The following BTRC variants were observed in gnomAD, a reference collection of about 807,000 sequenced individuals.
BTRC encodes the protein beta-transducin repeat containing E3 ubiquitin protein ligase.
A neutral mutation model predicts 85.5 loss-of-function variants in BTRC; 42 were observed. The ratio of observed to expected loss-of-function variants is 0.49; its 90% CI spans 0.38 to 0.64. The LOEUF is 0.64. Ranked by LOEUF, BTRC falls within the 30% of genes least tolerant of loss-of-function variation. The pLI is 0.00. For synonymous variants in BTRC, 255 were observed against 263.3 expected (o/e 0.97, Z 0.30); for missense variants, 594 against 743.5 (o/e 0.80, Z 2.34).
intron 1 of BTRC, among the ~76,000 whole-genome samples, chr10:101,384,688 G>T (rs1284834772): frequency 6.6e-6 from 1 of 152,130 alleles, no homozygotes; most frequent in African/African-American, 2.4e-5. Flanking sequence ...CTTATTTTCA[G>T]TTGATTTGAA....
intron 4 of BTRC, among the ~76,000 whole-genome samples, chr10:101,492,652 C>T (rs1189368069): frequency 3.3e-5 from 5 of 151,956 alleles, no homozygotes; most frequent in African/African-American, 7.3e-5. Flanking sequence ...AGATTGAAGG[C>T]GTTTTCTTTA....
At chr10:101,498,472 G>A (rs1003532555) in intron 4 of BTRC, among the ~76,000 whole-genome samples, 13 of 151,948 alleles carry the variant, frequency 8.6e-5, no homozygotes, top group African/African-American at 3.1e-4. Flanking sequence ...CTGCTGTTAC[G>A]ATCTAAATCA....
rs1253189673 is a variant in BTRC, at chr10:101,415,313, C to G, written c.49-15032C>G. On this transcript the variant is annotated intron_variant, in intron 1 of 14. Coordinates refer to ENST00000370187, the MANE Select transcript of BTRC (RefSeq NM_033637.4). ...GCTGCAGTCTCCCGAGTAGCTGGGA[C>G]TACAGGCATGTGCCACCATGCCTGG... Among the ~76,000 whole-genome samples the G allele has an allele frequency of 2.0e-5, 3 of 151,212 alleles. No homozygotes were observed. The East Asian group carries it at 5.9e-4, about 30-fold the overall frequency.
chr10:101,395,044 G>A (rs1943329526), intron 1 of BTRC, among the ~76,000 whole-genome samples: 1 of 152,088 alleles, frequency 6.6e-6, no homozygotes, highest in Non-Finnish European at 1.5e-5. Flanking sequence ...TCACGTTATT[G>A]CACTGTAACA....
intron 2 of BTRC, among the ~76,000 whole-genome samples, chr10:101,442,641 A>G (rs1288112272): frequency 6.6e-6 from 1 of 152,192 alleles, no homozygotes; most frequent in Non-Finnish European, 1.5e-5. Flanking sequence ...TGGTGAAAAA[A>G]AATCGAGTTG....
At chr10:101,467,595 C>T (rs1324964657) in intron 3 of BTRC, among the ~76,000 whole-genome samples, 1 of 151,812 alleles carries the variant, frequency 6.6e-6, no homozygotes. Flanking sequence ...TTGGGGTTTG[C>T]ATTATTTCAT....
At chr10:101,539,866 A>T (rs1479690147) in intron 13 of BTRC, among the ~76,000 whole-genome samples, 2 of 152,180 alleles carry the variant, frequency 1.3e-5, no homozygotes, top group African/African-American at 4.8e-5. Context: ...AGTCATTCTC[A>T]TTGTGGTTTA....
intron 1 of BTRC, among the ~76,000 whole-genome samples, chr10:101,397,267 G>A (rs1297769028): frequency 2.0e-5 from 3 of 152,114 alleles, no homozygotes; most frequent in Admixed American, 6.6e-5. Context: ...TGTTGTTATG[G>A]CAACTCAAAT....
chr10:101,452,713 A>G (rs1407212922), intron 2 of BTRC, among the ~76,000 whole-genome samples: 1 of 152,112 alleles, frequency 6.6e-6, no homozygotes, highest in Non-Finnish European at 1.5e-5. Flanking sequence ...GAATTGGTAT[A>G]TTACTAGAAA....
At chr10:101,544,404 A>C (rs912851467) in intron 13 of BTRC, among the ~76,000 whole-genome samples, 4 of 122,426 alleles carry the variant, frequency 3.3e-5, no homozygotes, top group African/African-American at 1.4e-4. Flanking sequence ...TTTACTTGGG[A>C]AAGTTTTTTT....
chr10:101,498,987 C>G (rs1946334701), intron 4 of BTRC, among the ~76,000 whole-genome samples: 1 of 151,642 alleles, frequency 6.6e-6, no homozygotes, highest in African/African-American at 2.4e-5. Context: ...GAGCGAGACT[C>G]TGTCTCAAAA....
At chr10:101,410,450 A>G (rs891662074) in intron 1 of BTRC, among the ~76,000 whole-genome samples, 2 of 152,098 alleles carry the variant, frequency 1.3e-5, no homozygotes, top group Non-Finnish European at 2.9e-5. Flanking sequence ...CCCCGTCTCT[A>G]CTAAAAATAC....
At position 101,549,833 on chromosome 10, in the gene BTRC, G is replaced by A. The variant is rs189851006; in HGVS notation, c.1657-866G>A. On this transcript the variant is annotated intron_variant, in intron 13 of 14. Transcript: ENST00000370187. ...TGGGAACATTCTACATCTTCATCAG[G>A]GTGGTAACTGCCAGTGGTGTGCTAG... 5.3e-5 allele frequency among the ~76,000 whole-genome samples: 8 copies of A among 151,876 alleles called. No individual in the cohort carries two copies. In the East Asian group the frequency reaches 1.5e-3, roughly 29 times the overall value.
At chr10:101,358,106 C>G (rs959444492) in intron 1 of BTRC, among the ~76,000 whole-genome samples, 1 of 152,044 alleles carries the variant, frequency 6.6e-6, no homozygotes, top group South Asian at 2.1e-4. Flanking sequence ...GGAATTTGAA[C>G]TTTATTTTTG....
intron 3 of BTRC, among the ~76,000 whole-genome samples, chr10:101,462,861 A>G (rs1490645882): frequency 6.6e-6 from 1 of 151,708 alleles, no homozygotes; most frequent in Admixed American, 6.6e-5. Flanking sequence ...TTTTATTTTT[A>G]TTATTTTATT....
intron 4 of BTRC, among the ~76,000 whole-genome samples, chr10:101,488,052 A>G (rs1946035703): frequency 6.6e-6 from 1 of 152,170 alleles, no homozygotes; most frequent in Non-Finnish European, 1.5e-5. Context: ...TTTCTTTGGC[A>G]TTGTACTCTG....
chr10:101,545,782 G>A (rs1393680634), intron 13 of BTRC, among the ~76,000 whole-genome samples: 1 of 152,064 alleles, frequency 6.6e-6, no homozygotes, highest in Non-Finnish European at 1.5e-5. Context: ...TAGCCCTGAT[G>A]GACCATTCTA....
intron 2 of BTRC, among the ~76,000 whole-genome samples, chr10:101,459,653 G>A (rs2134164085): frequency 2.0e-5 from 3 of 152,138 alleles, no homozygotes; most frequent in Middle Eastern, 6.8e-3. Context: ...TGCCCTAGTG[G>A]GATAGAAAGG....
At chr10:101,473,556 C>T (rs1250244732) in intron 3 of BTRC, among the ~76,000 whole-genome samples, 5 of 149,962 alleles carry the variant, frequency 3.3e-5, no homozygotes, top group African/African-American at 1.2e-4. Flanking sequence ...CTGCAACCTC[C>T]GTCTCCCGGG....
Sources: gnomAD v4.1 joint callset for allele counts (sites outside exome capture counted in the v4.1 genomes callset) on GRCh38, gnomAD v4.1.1 for gene constraint, MANE v1.5 for transcripts, NCBI Gene and HGNC (gene_info 2026-07-23, HGNC 2026-07-21) for gene names.